Variants in ALLC observed in about 807,000 individuals in gnomAD.
The protein encoded by ALLC is allantoicase.
ALLC carries 40 observed loss-of-function variants against 45.0 expected under a neutral mutation model. The ratio of observed to expected loss-of-function variants is 0.89; its 90% CI spans 0.69 to 1.16. ALLC has a LOEUF of 1.16. Among genes scored for constraint, ALLC ranks in the 50% most tolerant of loss-of-function variants. The pLI is 0.00. For missense variants in ALLC, 488 were observed against 493.1 expected (o/e 0.99, Z 0.10); for synonymous variants, 176 against 178.1 (o/e 0.99, Z 0.09).
At chr2:3,683,838 G>A (rs1667260192) in intron 7 of ALLC, among the ~76,000 whole-genome samples, 1 of 152,164 alleles carries the variant, frequency 6.6e-6, no homozygotes. Flanking sequence ...GATGCTCAAA[G>A]GAAATGCTCA....
At chr2:3,655,930 G>A (rs147422063), upstream of ALLC, among the ~76,000 whole-genome samples, 403 of 152,096 alleles carry the variant, frequency 2.6e-3, 4 homozygotes, top group African/African-American at 9.5e-3. Context: ...CTGGAGCGCT[G>A]CAAAGCCTGT....
At chr2:3,664,090 G>A (rs1004477823) in intron 1 of ALLC, among the ~76,000 whole-genome samples, 1 of 152,240 alleles carries the variant, frequency 6.6e-6, no homozygotes, top group African/African-American at 2.4e-5. Flanking sequence ...GCACCTTGTG[G>A]TGGGACATCT....
At chr2:3,690,473 TTTC>T (rs1667485072) in intron 7 of ALLC, among the ~76,000 whole-genome samples, 1 of 113,268 alleles carries the variant, frequency 8.8e-6, no homozygotes, top group Non-Finnish European at 1.8e-5. Context: ...TTCCTTTCCT[TTTC>T]TTTCTTTCTG....
the ALLC span, among the ~76,000 whole-genome samples, chr2:3,647,522 C>T: frequency 3.4e-5 from 5 of 148,146 alleles, no homozygotes; most frequent in African/African-American, 5.2e-5. Flanking sequence ...CGCTGGGGGT[C>T]GCTCACCCAT....
chr2:3,702,574 GC>G lies in ALLC; in HGVS notation c.*15del. The G allele has an allele frequency of 6.5e-7, 1 of 1,529,610 alleles. No homozygotes were observed. The highest frequency in any genetic ancestry group is 8.8e-7 in the Non-Finnish European group (1 of 1,139,330). The allele number at this position is 1,529,610 out of a possible 1,614,324, so 94.8% of individuals were successfully genotyped here. A position where few individuals can be genotyped will look rare whatever the true frequency, so the allele number is the denominator to read the frequency against. The stretch of plus-strand genomic sequence containing the variant: ...AAAGCAAACCCTTAACACACACAAA[GC>G]CCCGGTGTCGGACACACAGCAGTAA... On this transcript the variant is annotated 3_prime_UTR_variant, in exon 12 of 12. Coordinates refer to ENST00000252505, the MANE Select transcript of ALLC (RefSeq NM_018436.4).
intron 1 of ALLC, among the ~76,000 whole-genome samples, chr2:3,658,696 C>T (rs1666499022): frequency 6.6e-6 from 1 of 151,928 alleles, no homozygotes; most frequent in Non-Finnish European, 1.5e-5. Flanking sequence ...GGCAAGACCC[C>T]ATTTCTACCA....
At chr2:3,701,490 A>G in intron 10 of ALLC, 22 bp from the exon 11 acceptor site, 1 of 1,566,526 alleles carries the variant, frequency 6.4e-7, no homozygotes, top group Non-Finnish European at 8.7e-7. Context: ...GCAGAAAATC[A>G]CGCTGTGTTT....
chr2:3,671,815 G>A (rs1666881971), intron 2 of ALLC, among the ~76,000 whole-genome samples: 4 of 141,808 alleles, frequency 2.8e-5, no homozygotes, highest in Non-Finnish European at 4.6e-5. Context: ...TTAGATGGGA[G>A]GTCCTCTGGC....
At chr2:3,646,244 T>A in the ALLC span, among the ~76,000 whole-genome samples, 1 of 152,208 alleles carries the variant, frequency 6.6e-6, no homozygotes. Flanking sequence ...GCGGGTGCTG[T>A]CTGCCTTCTT....
intron 1 of ALLC, among the ~76,000 whole-genome samples, chr2:3,666,998 A>C (rs1284849362): frequency 6.6e-6 from 1 of 152,188 alleles, no homozygotes; most frequent in Non-Finnish European, 1.5e-5. Context: ...AAAAGTTTAA[A>C]TGTGTTAAAT....
chr2:3,663,295 A>G (rs1302968735), intron 1 of ALLC, among the ~76,000 whole-genome samples: 1 of 152,208 alleles, frequency 6.6e-6, no homozygotes, highest in Non-Finnish European at 1.5e-5. Context: ...GCTGGAAGCC[A>G]TCATCCTCAG....
chr2:3,673,523 C>A (rs1220865753), intron 2 of ALLC, among the ~76,000 whole-genome samples: 4 of 152,238 alleles, frequency 2.6e-5, no homozygotes, highest in Admixed American at 2.6e-4. Flanking sequence ...ACCACAGAGT[C>A]CTGGCTTGGG....
At chr2:3,692,715 A>G (rs1168312739) in intron 7 of ALLC, among the ~76,000 whole-genome samples, 2 of 152,268 alleles carry the variant, frequency 1.3e-5, no homozygotes, top group African/African-American at 4.8e-5. Context: ...CTCCTACAAC[A>G]TGGTGTTGCT....
intron 3 of ALLC, among the ~76,000 whole-genome samples, chr2:3,678,177 C>T (rs1667075487): frequency 6.6e-6 from 1 of 152,222 alleles, no homozygotes. Context: ...TTGGGAATTG[C>T]ATTTGTGCGG....
chr2:3,663,513 C>G (rs549120665), intron 1 of ALLC, among the ~76,000 whole-genome samples: 1 of 152,150 alleles, frequency 6.6e-6, no homozygotes, highest in African/African-American at 2.4e-5. Context: ...TGCAGCAAAC[C>G]ACCATGGCAC....
At chr2:3,697,799 G>A (rs1209935574) in intron 10 of ALLC, among the ~76,000 whole-genome samples, 1 of 151,574 alleles carries the variant, frequency 6.6e-6, no homozygotes, top group East Asian at 1.9e-4. Context: ...CCGAGTAGCT[G>A]GGATTACAGG....
intron 7 of ALLC, among the ~76,000 whole-genome samples, chr2:3,684,648 A>T (rs1175913777): frequency 1.3e-5 from 2 of 152,018 alleles, no homozygotes; most frequent in Non-Finnish European, 2.9e-5. Flanking sequence ...AGAACATATG[A>T]TGTTTGCTTT....
chr2:3,673,494 T>C (rs1247914218), intron 2 of ALLC, among the ~76,000 whole-genome samples: 1 of 152,252 alleles, frequency 6.6e-6, no homozygotes, highest in African/African-American at 2.4e-5. Flanking sequence ...TGGGGCAGGG[T>C]GCCCTCCAGG....
intron 1 of ALLC, among the ~76,000 whole-genome samples, chr2:3,663,878 T>C (rs1666633434): frequency 6.6e-6 from 1 of 152,248 alleles, no homozygotes; most frequent in East Asian, 1.9e-4. Flanking sequence ...AAATCTCTTC[T>C]GTTCTGTTCA....
Sources: allele counts gnomAD v4.1 joint callset (sites outside exome capture counted in the v4.1 genomes callset), GRCh38; gene constraint gnomAD v4.1.1; transcripts MANE v1.5; gene names NCBI Gene and HGNC (gene_info 2026-07-23, HGNC 2026-07-21).